The following ARHGEF28 variants were observed in gnomAD, a reference collection of about 807,000 sequenced individuals.
ARHGEF28 encodes Rho guanine nucleotide exchange factor 28.
In ARHGEF28, 152 loss-of-function variants were observed where a neutral mutation model predicts 206.6. The observed-to-expected ratio is 0.74, with a 90% CI of 0.64 to 0.84. The LOEUF (loss-of-function observed/expected upper bound fraction) is 0.84, where lower values mean the gene tolerates loss of function less well. Ranked by LOEUF, ARHGEF28 falls within the 40% of genes least tolerant of loss-of-function variation. The probability of loss-of-function intolerance (pLI) is 0.00; values close to 1 mark genes in which losing one functional copy is unlikely to be tolerated. For synonymous variants in ARHGEF28, 763 were observed against 776.4 expected, an observed-to-expected ratio of 0.98 and a Z score of 0.29; for missense variants, 2,028 against 2,073.2, an observed-to-expected ratio of 0.98 and a Z score of 0.42.
rs563421015 is a variant in ARHGEF28 at position 73,719,655 on chromosome 5, A to G, written c.34-30182A>G. ...AAAGAAAGCTCCCATACACAAAATG[A>G]GAAAGAAAAAAAGATGCACATCATG... On this transcript the variant is annotated intron_variant, in intron 2 of 35. Transcript: ENST00000513042. Among the ~76,000 whole-genome samples the G allele has an allele frequency of 2.0e-5, 3 of 152,358 alleles. No homozygotes were observed. In the South Asian group the frequency reaches 6.2e-4, roughly 32 times the overall value.
At chr5:73,788,403 T>C (rs1439445255) in intron 7 of ARHGEF28, among the ~76,000 whole-genome samples, 1 of 152,182 alleles carries the variant, frequency 6.6e-6, no homozygotes, top group Non-Finnish European at 1.5e-5. Flanking sequence ...CAAAAATTCA[T>C]GTGTAACTTT....
chr5:73,684,757 C>G, intron 1 of ARHGEF28, 84 bp from the exon 2 acceptor site: 2 of 1,214,524 alleles, frequency 1.6e-6, no homozygotes, highest in Non-Finnish European at 2.3e-6. Context: ...TCTCCCTCCA[C>G]AATATTGATA....
At chr5:73,872,003 G>A (rs1282899420) in intron 21 of ARHGEF28, among the ~76,000 whole-genome samples, 1 of 152,066 alleles carries the variant, frequency 6.6e-6, no homozygotes, top group Admixed American at 6.6e-5. Flanking sequence ...GACATTTTGG[G>A]TTTTTCCACT....
chr5:73,868,160 G>T lies in ARHGEF28; in HGVS notation c.2358G>T (p.Arg786Ser). Reference sequence around the variant, plus strand: ...GTGACCATAACAGCTGCAGAAGCAGGTCTCATTCTGATGAGCTGCTACAGT... The same window carrying T: ...GTGACCATAACAGCTGCAGAAGCAGTTCTCATTCTGATGAGCTGCTACAGT... ...SESDHNSCRS[R>S]SHSDELLQSM... Residue 786 changes from arginine to serine, a missense_variant, in exon 20 of 36, where the codon AGG (arginine) becomes AGT (serine). By Grantham distance (110) the Arg-to-Ser change is moderately radical. Around this residue, in one of 3 missense-constraint regions of ARHGEF28, gnomAD observed 1,002 missense variants for 1,015.3 expected, o/e 0.99. Transcript: ENST00000513042. 2 of 1,605,610 alleles carry T rather than the reference G, an allele frequency of 1.2e-6. No homozygotes were observed. The highest frequency in any genetic ancestry group is 1.7e-6 in the Non-Finnish European group (2 of 1,175,804).
chr5:73,660,077 G>A lies in ARHGEF28; in HGVS notation c.-11-24764G>A, dbSNP rs541407812. ...GTAGCATGTGATGCTGTTTGAAATAGCATTTTATTCATGGTAATACTTCTT... is the reference window on the plus strand; with the variant it reads ...GTAGCATGTGATGCTGTTTGAAATAACATTTTATTCATGGTAATACTTCTT... On this transcript the variant is annotated intron_variant, in intron 1 of 35. Transcript: ENST00000513042. Among the ~76,000 whole-genome samples the A allele has an allele frequency of 2.6e-5, 4 of 152,256 alleles. No homozygotes were observed. The East Asian group carries it at 7.7e-4, about 29-fold the overall frequency.
intron 10 of ARHGEF28, among the ~76,000 whole-genome samples, chr5:73,835,931 C>T (rs1162814162): frequency 6.6e-6 from 1 of 152,126 alleles, no homozygotes; most frequent in African/African-American, 2.4e-5. Context: ...GAAAACCCCA[C>T]ACATTTAGTC....
chr5:73,918,770 A>C (rs1306396414), intron 35 of ARHGEF28, among the ~76,000 whole-genome samples: 1 of 152,152 alleles, frequency 6.6e-6, no homozygotes, highest in Admixed American at 6.5e-5. Flanking sequence ...AGATACATGG[A>C]TAGGAATTTG....
chr5:73,702,178 C>A (rs1276727856), intron 2 of ARHGEF28, among the ~76,000 whole-genome samples: 1 of 152,142 alleles, frequency 6.6e-6, no homozygotes, highest in Non-Finnish European at 1.5e-5. Flanking sequence ...GGCATTACTG[C>A]TATTTTTTAT....
intron 9 of ARHGEF28, among the ~76,000 whole-genome samples, chr5:73,824,004 T>G (rs1289986626): frequency 6.6e-6 from 1 of 152,232 alleles, no homozygotes; most frequent in African/African-American, 2.4e-5. Context: ...GTGTCTGGTA[T>G]AATTACCCAG....
At position 73,856,540 on chromosome 5, in the gene ARHGEF28, A is replaced by T. The variant is rs762280136; in HGVS notation, c.1791-1116A>T. ...CCTAATATAGAGCTTAAATAACTTA[A>T]AGTTTTATTATAATATGTACCATAT... On this transcript the variant is annotated intron_variant, in intron 14 of 35. Coordinates refer to ENST00000513042, the MANE Select transcript of ARHGEF28 (RefSeq NM_001177693.2). 5.1e-4 allele frequency among the ~76,000 whole-genome samples: 78 copies of T among 152,238 alleles called. 1 individual carries two copies. The highest frequency in any genetic ancestry group is 2.1e-3 in the South Asian group (10 of 4,816).
At chr5:73,785,472 C>T (rs1754105950) in intron 7 of ARHGEF28, among the ~76,000 whole-genome samples, 1 of 152,160 alleles carries the variant, frequency 6.6e-6, no homozygotes, top group Admixed American at 6.5e-5. Flanking sequence ...GTAATGCGCA[C>T]ACCAGAGAAG....
At position 73,887,603 on chromosome 5, in the gene ARHGEF28, A is replaced by G; in HGVS notation, c.3311A>G (p.Asp1104Gly). ...TACTAGTAATGTTTTTTCTTTAAAG[A>G]TATCCTAGCTCTACTTCTAACTGAT... ...YWKTATGRFK[D>G]ILALLLTDVL... Residue 1104 changes from aspartate to glycine, a missense_variant and splice_region_variant, in exon 26 of 36, where the codon GAT becomes GGT. By Grantham distance (94) the Asp-to-Gly change is moderately conservative (BLOSUM62 -1). Transcript: ENST00000513042. 1 of 1,554,238 alleles carries G rather than the reference A, an allele frequency of 6.4e-7. No homozygotes were observed. The highest frequency in any genetic ancestry group is 8.7e-7 in the Non-Finnish European group (1 of 1,150,152).
chr5:73,912,762 ATATAT>A (rs1246886818), intron 35 of ARHGEF28, among the ~76,000 whole-genome samples: 1 of 152,226 alleles, frequency 6.6e-6, no homozygotes, highest in African/African-American at 2.4e-5. Flanking sequence ...AACTTCTTTA[ATATAT>A]TATCTTACAA....
intron 1 of ARHGEF28, among the ~76,000 whole-genome samples, chr5:73,643,847 T>C (rs1744268051): frequency 6.6e-6 from 1 of 152,040 alleles, no homozygotes. Context: ...CTGCATTCCT[T>C]TTCTGGTCAC....
At chr5:73,739,041 ACTTAGTTGTCTTCC>A in intron 2 of ARHGEF28, among the ~76,000 whole-genome samples, 1 of 152,284 alleles carries the variant, frequency 6.6e-6, no homozygotes, top group Non-Finnish European at 1.5e-5. Flanking sequence ...CACTAATAGA[ACTTAGTTGTCTTCC>A]CATAAGACAG....
intron 1 of ARHGEF28, among the ~76,000 whole-genome samples, chr5:73,626,784 C>T (rs1243979349): frequency 6.6e-6 from 1 of 152,196 alleles, no homozygotes; most frequent in Non-Finnish European, 1.5e-5. Context: ...AACGCAAGCT[C>T]AGGACACACG....
chr5:73,930,445 T>C (rs1488091715), intron 35 of ARHGEF28, among the ~76,000 whole-genome samples: 1 of 152,200 alleles, frequency 6.6e-6, no homozygotes, highest in East Asian at 1.9e-4. Flanking sequence ...GATTTTGGAG[T>C]TTCAAATGTG....
At chr5:73,855,732 CAAA>C (rs777664317) in intron 14 of ARHGEF28, among the ~76,000 whole-genome samples, 5,076 of 121,758 alleles carry the variant, frequency 0.042, 101 homozygotes, top group Non-Finnish European at 0.065. Context: ...AACTCCATCT[CAAA>C]AAAAAAAAAA....
At chr5:73,845,011 ATTT>A (rs70973277) in intron 11 of ARHGEF28, among the ~76,000 whole-genome samples, 1 of 99,368 alleles carries the variant, frequency 1.0e-5, no homozygotes, top group African/African-American at 4.0e-5. Flanking sequence ...CAAAGGAATC[ATTT>A]TTTTTTTTTT....
Sources: allele counts gnomAD v4.1 joint callset (sites outside exome capture counted in the v4.1 genomes callset), GRCh38; gene constraint gnomAD v4.1.1; regional missense constraint gnomAD v4.1.1; transcripts MANE v1.5; gene names NCBI Gene and HGNC (gene_info 2026-07-23, HGNC 2026-07-21).